Variants in CSMD2 observed in about 807,000 individuals in gnomAD.
CSMD2 encodes CUB and Sushi multiple domains 2.
In CSMD2, 130 loss-of-function variants were observed where a neutral mutation model predicts 398.5. The observed-to-expected ratio is 0.33, with a 90% CI of 0.28 to 0.38. The LOEUF is 0.38. Among genes scored for constraint, CSMD2 ranks in the 10% least tolerant of loss-of-function variants. The pLI is 1.00. For synonymous variants in CSMD2, 1,828 were observed against 1,908.5 expected, an observed-to-expected ratio of 0.96 and a Z score of 1.10; for missense variants, 3,829 against 4,764.9, an observed-to-expected ratio of 0.80 and a Z score of 5.78.
At chr1:34,023,371 C>T (rs751182567) in intron 3 of CSMD2, among the ~76,000 whole-genome samples, 21 of 152,172 alleles carry the variant, frequency 1.4e-4, no homozygotes, top group African/African-American at 2.2e-4. Flanking sequence ...CCAGCCTATA[C>T]GCTATCCACT....
chr1:34,032,868 G>C (rs898099365), intron 2 of CSMD2, among the ~76,000 whole-genome samples, 162 bp from the exon 3 acceptor site: 6 of 152,186 alleles, frequency 3.9e-5, no homozygotes, highest in Non-Finnish European at 8.8e-5. Context: ...AAACCAGCAG[G>C]CTTCTGCCCC....
rs1200894552 is a variant in CSMD2 at position 33,714,785 on chromosome 1, T to C, written c.3218-10A>G. On this transcript the variant is annotated splice_polypyrimidine_tract_variant and intron_variant, in intron 20 of 70. Coordinates refer to ENST00000373381, the MANE Select transcript of CSMD2 (RefSeq NM_001281956.2). The stretch of plus-strand genomic sequence containing the variant: ...GGCTCCAAGTCGTACTCTGGAAAGG[T>C]AGCAGGAGATCCGGGCTCAGAGACA... The C allele has an allele frequency of 1.9e-6, 3 of 1,612,640 alleles. No homozygotes were observed. Among genetic ancestry groups the C allele is most frequent in the South Asian group, 1.1e-5 (1 of 91,046 alleles).
rs372295719 is a variant in CSMD2 at position 33,908,186 on chromosome 1, T to C, written c.920+9908A>G. 9.5e-4 allele frequency among the ~76,000 whole-genome samples: 144 copies of C among 151,730 alleles called. 2 individuals carry two copies. The highest frequency in any genetic ancestry group is 3.5e-3 in the Middle Eastern group (1 of 288). ...TCAGTCTTGGGAACCTGGGAAGTGG[T>C]TGCAGTAGCAGGAGAGACGCAAACC... On this transcript the variant is annotated intron_variant, in intron 5 of 70. Transcript: ENST00000373381.
chr1:33,788,955 T>G (rs1653890872), intron 11 of CSMD2, among the ~76,000 whole-genome samples: 2 of 152,168 alleles, frequency 1.3e-5, no homozygotes, highest in South Asian at 4.1e-4. Flanking sequence ...TTTGACTCTC[T>G]AGCCCTGACC....
rs377048420 is a variant in CSMD2 at position 33,604,373 on chromosome 1, C to T, written c.6532+909G>A. On this transcript the variant is annotated intron_variant, in intron 42 of 70. Transcript: ENST00000373381. The stretch of plus-strand genomic sequence containing the variant: ...TTCCAACACCAGAACGGCTCAGTTT[C>T]GCAAACAAGGTCCTCTTTCCATCGA... 3.3e-5 allele frequency among the ~76,000 whole-genome samples: 5 copies of T among 152,294 alleles called. No homozygotes were observed. The East Asian group carries it at 5.8e-4, about 18-fold the overall frequency.
intron 2 of CSMD2, among the ~76,000 whole-genome samples, chr1:34,083,997 G>A (rs1388008536): frequency 6.6e-6 from 1 of 151,770 alleles, no homozygotes; most frequent in Non-Finnish European, 1.5e-5. Context: ...AAAAAAAAAG[G>A]CAGTGGTCTC....
At position 33,717,136 on chromosome 1, in the gene CSMD2, T is replaced by C. The variant is rs543476906; in HGVS notation, c.3002-635A>G. ...CCATATGTGTAAAGGGACTGTCAAT[T>C]CCAGGTTTGTTGAGCAGCAGCTGGG... On this transcript the variant is annotated intron_variant, in intron 19 of 70. Transcript: ENST00000373381. Among the ~76,000 whole-genome samples the C allele has an allele frequency of 4.3e-4, 65 of 152,168 alleles. 1 individual carries two copies. Among genetic ancestry groups the C allele is most frequent in the African/African-American group, 1.6e-3 (65 of 41,526 alleles).
intron 27 of CSMD2, among the ~76,000 whole-genome samples, chr1:33,653,052 C>T (rs1280183797): frequency 4.6e-5 from 7 of 152,178 alleles, no homozygotes; most frequent in Non-Finnish European, 8.8e-5. Flanking sequence ...CCACCGCGCC[C>T]GGCCTAATAA....
In CSMD2 at chr1:33,583,730, C is replaced by T; in HGVS notation, c.7152G>A (p.Leu2384=). ...TGTTATAGTCGGGCTCCACTCTCAC[C>T]AGCCAAGAGCAGGTCTGGAACTGGG... The part of the protein sequence containing the change: ...SYPQFQTCSW[L]VRVEPDYNIS... The change falls in exon 47 of 71, where the codon CTG becomes CTA. Residue 2384 remains leucine, a synonymous_variant. Transcript: ENST00000373381. 1 of 1,614,220 alleles carries T rather than the reference C, an allele frequency of 6.2e-7. No individual in the cohort carries two copies. The highest frequency in any genetic ancestry group is 8.5e-7 in the Non-Finnish European group (1 of 1,180,034).
Position 33,935,832 on chromosome 1 carries a change from G to A in CSMD2, c.640C>T (p.His214Tyr), listed in dbSNP as rs1219551481. The change falls in exon 4 of 71, where the codon CAC (histidine) becomes TAC (tyrosine). Residue 214 changes from histidine to tyrosine, a missense_variant. His to Tyr is a moderately conservative substitution (Grantham distance 83, BLOSUM62 2). Coordinates refer to ENST00000373381, the MANE Select transcript of CSMD2 (RefSeq NM_001281956.2). ...CCAGCGTGGCAGGTGAGCACGGCGT[G>A]GCCCTCCAGGAAGAAGCCAAGGTTG... ...SCNLGFFLEG[H>Y]AVLTCHAGSE... 1 of 1,614,052 alleles carries A rather than the reference G, an allele frequency of 6.2e-7. No homozygotes were observed. Among genetic ancestry groups the A allele is most frequent in the Non-Finnish European group, 8.5e-7 (1 of 1,180,008 alleles).
chr1:34,164,843 G>C lies in CSMD2; in HGVS notation c.187+68C>G. 1 of 1,147,660 alleles carries C rather than the reference G, an allele frequency of 8.7e-7. No individual in the cohort carries two copies. The highest frequency in any genetic ancestry group is 1.1e-6 in the Non-Finnish European group (1 of 928,172). 71.1% of individuals were successfully genotyped at this position (1,147,660 alleles called of 1,614,324 possible). A position where few individuals can be genotyped will look rare whatever the true frequency, so the allele number is the denominator to read the frequency against. ...GGGGAGGGACTGGGACCGGGTCGAG[G>C]ATGGGTGGGCTCGGGGCTCGGGTGG... On this transcript the variant is annotated intron_variant, in intron 1 of 70. Transcript: ENST00000373381. The surrounding 1 kb of genome is among the most constrained non-coding windows in gnomAD (Gnocchi z 6.2).
chr1:33,691,685 C>T (rs1645245748), intron 25 of CSMD2, among the ~76,000 whole-genome samples: 1 of 152,146 alleles, frequency 6.6e-6, no homozygotes, highest in African/African-American at 2.4e-5. Flanking sequence ...GATGGTGTCT[C>T]CCCATGAGCT....
At position 34,144,579 on chromosome 1, in the gene CSMD2, G is replaced by A. The variant is rs1639594649; in HGVS notation, c.187+20332C>T. 2.0e-5 allele frequency among the ~76,000 whole-genome samples: 3 copies of A among 152,208 alleles called. No individual in the cohort carries two copies. In the South Asian group the frequency reaches 6.2e-4, roughly 31 times the overall value. ...AGTGGGTAACTTCTTCAATTCAAGAGTGATGTATTAACAAGACAATTTTGC... is the reference window on the plus strand; with the variant it reads ...AGTGGGTAACTTCTTCAATTCAAGAATGATGTATTAACAAGACAATTTTGC... On this transcript the variant is annotated intron_variant, in intron 1 of 70. Transcript: ENST00000373381.
chr1:33,977,639 G>A (rs1646016803), intron 3 of CSMD2, among the ~76,000 whole-genome samples: 2 of 151,842 alleles, frequency 1.3e-5, no homozygotes, highest in South Asian at 2.1e-4. Context: ...TGCAGCAGGA[G>A]CACTGAGCTG....
intron 2 of CSMD2, among the ~76,000 whole-genome samples, chr1:34,052,886 C>T (rs974383701): frequency 6.6e-6 from 1 of 151,974 alleles, no homozygotes. Flanking sequence ...TAAGAGGGTC[C>T]GTGGATTTGG....
At chr1:33,520,885 T>C (rs899643623) in intron 68 of CSMD2, among the ~76,000 whole-genome samples, 1 of 152,106 alleles carries the variant, frequency 6.6e-6, no homozygotes, top group African/African-American at 2.4e-5. Context: ...CACCAGAGTC[T>C]GAGGCTGGGC....
At chr1:34,040,548 C>T (rs1651735989) in intron 2 of CSMD2, among the ~76,000 whole-genome samples, 1 of 152,180 alleles carries the variant, frequency 6.6e-6, no homozygotes, top group African/African-American at 2.4e-5. Flanking sequence ...GCTCACCTTG[C>T]ATGTGTATTT....
At chr1:33,651,928 G>C (rs1298015438) in intron 28 of CSMD2, among the ~76,000 whole-genome samples, 2 of 152,032 alleles carry the variant, frequency 1.3e-5, no homozygotes, top group African/African-American at 2.4e-5. Flanking sequence ...CTAGATTGGG[G>C]GGGGTGCCTG....
At chr1:33,925,284 C>A (rs1196033562) in intron 4 of CSMD2, among the ~76,000 whole-genome samples, 1 of 152,098 alleles carries the variant, frequency 6.6e-6, no homozygotes, top group Non-Finnish European at 1.5e-5. Flanking sequence ...CCAGTTTTCC[C>A]AGCACTATTG....
Sources: gnomAD v4.1 joint callset for allele counts (sites outside exome capture counted in the v4.1 genomes callset) on GRCh38, gnomAD v4.1.1 for gene constraint, Gnocchi (gnomAD v3.1) non-coding constraint, MANE v1.5 for transcripts, NCBI Gene and HGNC (gene_info 2026-07-23, HGNC 2026-07-21) for gene names.